CCDC85A: variants seen among roughly 807,000 people sequenced by gnomAD.
The protein encoded by CCDC85A is coiled-coil domain containing 85A, also known as coiled-coil domain-containing protein 85A.
In CCDC85A, 38 loss-of-function variants were observed where a neutral mutation model predicts 50.2. That is an observed-to-expected ratio of 0.76 (90% CI 0.58 to 0.99). The LOEUF is 0.99. CCDC85A is among the 50% of genes least tolerant of loss of function. The probability of loss-of-function intolerance (pLI) is 0.00; values close to 1 mark genes in which losing one functional copy is unlikely to be tolerated. For synonymous variants in CCDC85A, 366 were observed against 301.4 expected (o/e 1.21, Z -2.22); for missense variants, 820 against 742.0 (o/e 1.11, Z -1.22).
chr2:56,348,526 T>C (rs992428095), intron 3 of CCDC85A, among the ~76,000 whole-genome samples: 4 of 152,214 alleles, frequency 2.6e-5, no homozygotes, highest in African/African-American at 9.6e-5. Context: ...TTGCTTACAA[T>C]GTGGCCTTGC....
intron 2 of CCDC85A, among the ~76,000 whole-genome samples, chr2:56,314,111 C>A (rs191850173): frequency 6.8e-6 from 1 of 147,368 alleles, no homozygotes; most frequent in Non-Finnish European, 1.5e-5. Flanking sequence ...AGACCAGGGA[C>A]GGGAATCAAG....
chr2:56,360,447 A>G (rs997726927), intron 3 of CCDC85A, among the ~76,000 whole-genome samples: 1 of 151,920 alleles, frequency 6.6e-6, no homozygotes, highest in African/African-American at 2.4e-5. Flanking sequence ...TTTTTTTTTT[A>G]AAAAGACATC....
intron 3 of CCDC85A, among the ~76,000 whole-genome samples, chr2:56,351,159 A>G (rs1392997275): frequency 6.6e-6 from 1 of 151,008 alleles, no homozygotes; most frequent in East Asian, 2.0e-4. Flanking sequence ...AATTTCATCC[A>G]TGTCCCTACA....
At chr2:56,225,240 T>C (rs370988548) in intron 2 of CCDC85A, among the ~76,000 whole-genome samples, 12 of 152,214 alleles carry the variant, frequency 7.9e-5, no homozygotes, top group African/African-American at 2.9e-4. Flanking sequence ...CTGGCCAATA[T>C]GGTGAAACCC....
chr2:56,331,590 T>C (rs1379041028), intron 2 of CCDC85A, among the ~76,000 whole-genome samples: 3 of 152,176 alleles, frequency 2.0e-5, no homozygotes. Context: ...AACACGTTTA[T>C]GGTGATTATC....
chr2:56,297,026 TA>T (rs1204488293), intron 2 of CCDC85A, among the ~76,000 whole-genome samples: 5 of 152,196 alleles, frequency 3.3e-5, no homozygotes, highest in Non-Finnish European at 5.9e-5. Context: ...ATATCGGGGT[TA>T]GTCATTTCAT....
intron 2 of CCDC85A, among the ~76,000 whole-genome samples, chr2:56,281,782 A>G (rs954487099): frequency 2.0e-5 from 3 of 151,984 alleles, no homozygotes; most frequent in Non-Finnish European, 4.4e-5. Flanking sequence ...AGAGTTCTTT[A>G]TATATTCTGT....
chr2:56,228,627 G>A lies in CCDC85A; in HGVS notation c.1240+35187G>A, dbSNP rs1018375979. ...GGCTCACTGCAAGCTCTGCCTCCCA[G>A]GTTCACATCATTCTCCTGCCTCAGC... On this transcript the variant is annotated intron_variant, in intron 2 of 5. Coordinates refer to ENST00000407595, the MANE Select transcript of CCDC85A (RefSeq NM_001080433.2). Among the ~76,000 whole-genome samples, 4 of 152,060 alleles carry A rather than the reference G, an allele frequency of 2.6e-5. No individual in the cohort carries two copies. The South Asian group carries it at 8.3e-4, about 32-fold the overall frequency.
chr2:56,272,354 G>T (rs1670737086), intron 2 of CCDC85A, among the ~76,000 whole-genome samples: 1 of 152,024 alleles, frequency 6.6e-6, no homozygotes. Flanking sequence ...TAATATTTTA[G>T]AACTCCTAAC....
At chr2:56,239,432 A>G (rs1329903058) in intron 2 of CCDC85A, among the ~76,000 whole-genome samples, 1 of 152,036 alleles carries the variant, frequency 6.6e-6, no homozygotes, top group East Asian at 1.9e-4. Context: ...GCCTGTTCCT[A>G]TTCCCTCTTT....
intron 3 of CCDC85A, among the ~76,000 whole-genome samples, chr2:56,346,240 T>C (rs1163206257): frequency 6.6e-6 from 1 of 152,208 alleles, no homozygotes; most frequent in South Asian, 2.1e-4. Context: ...ACAATGAATA[T>C]AATAAATGCT....
At chr2:56,258,509 G>A (rs1170019780) in intron 2 of CCDC85A, among the ~76,000 whole-genome samples, 1 of 152,184 alleles carries the variant, frequency 6.6e-6, no homozygotes, top group Non-Finnish European at 1.5e-5. Flanking sequence ...TCCACAGAGA[G>A]TTATGGAGAG....
chr2:56,287,102 C>CT (rs761331171), intron 2 of CCDC85A, among the ~76,000 whole-genome samples: 1 of 152,142 alleles, frequency 6.6e-6, no homozygotes, highest in Non-Finnish European at 1.5e-5. Flanking sequence ...GTTATGACAT[C>CT]TGGTGTTTTT....
intron 2 of CCDC85A, among the ~76,000 whole-genome samples, chr2:56,317,888 AC>A (rs1166568086): frequency 6.6e-6 from 1 of 151,908 alleles, no homozygotes; most frequent in African/African-American, 2.4e-5. Flanking sequence ...TGATCGCTTC[AC>A]TCTCTCCTTG....
chr2:56,188,625 T>C (rs1234587505), intron 1 of CCDC85A, among the ~76,000 whole-genome samples: 1 of 152,254 alleles, frequency 6.6e-6, no homozygotes, highest in East Asian at 1.9e-4. Context: ...TTAGAAAGAT[T>C]AATTTTCTTT....
At chr2:56,303,897 G>A (rs1479809974) in intron 2 of CCDC85A, among the ~76,000 whole-genome samples, 2 of 152,162 alleles carry the variant, frequency 1.3e-5, no homozygotes, top group African/African-American at 4.8e-5. Flanking sequence ...GGAGCTAACG[G>A]TCTGCATGAG....
In CCDC85A at chr2:56,349,425, A is replaced by T. The variant is rs140947431; in HGVS notation, c.1317+6470A>T. Among the ~76,000 whole-genome samples the T allele has an allele frequency of 1.1e-3, 171 of 152,334 alleles. 2 individuals carry two copies. Among genetic ancestry groups the T allele is most frequent in the African/African-American group, 3.8e-3 (157 of 41,582 alleles). ...ATATGAAAAGTAAATTTATGGAGAAAAAATCATGCTAGAAAACCTAAATAA... is the reference window on the plus strand; with the variant it reads ...ATATGAAAAGTAAATTTATGGAGAATAAATCATGCTAGAAAACCTAAATAA... On this transcript the variant is annotated intron_variant, in intron 3 of 5. Coordinates refer to ENST00000407595, the MANE Select transcript of CCDC85A (RefSeq NM_001080433.2).
chr2:56,368,934 A>G (rs918866803), intron 3 of CCDC85A, among the ~76,000 whole-genome samples: 1 of 152,080 alleles, frequency 6.6e-6, no homozygotes, highest in African/African-American at 2.4e-5. Context: ...AAGAATTTTC[A>G]TTAAATTAAA....
intron 2 of CCDC85A, among the ~76,000 whole-genome samples, chr2:56,291,739 A>G (rs1055167146): frequency 2.0e-5 from 3 of 150,020 alleles, no homozygotes; most frequent in Non-Finnish European, 4.4e-5. Context: ...GCTGAATTAC[A>G]TGTTTGGTTT....
Sources: gnomAD v4.1 joint callset for allele counts (sites outside exome capture counted in the v4.1 genomes callset) on GRCh38, gnomAD v4.1.1 for gene constraint, MANE v1.5 for transcripts, NCBI Gene and HGNC (gene_info 2026-07-23, HGNC 2026-07-21) for gene names.